The following AAK1 variants were observed in gnomAD, a reference collection of about 807,000 sequenced individuals.
AAK1 encodes AP2-associated protein kinase 1.
In AAK1, 37 loss-of-function variants were observed where a neutral mutation model predicts 116.0. That is an observed-to-expected ratio of 0.32 (90% CI 0.25 to 0.42). The LOEUF (loss-of-function observed/expected upper bound fraction) is 0.42, where lower values mean the gene tolerates loss of function less well. Among genes scored for constraint, AAK1 ranks in the 10% least tolerant of loss-of-function variants. The pLI is 1.00. For synonymous variants in AAK1, 458 were observed against 439.9 expected, an observed-to-expected ratio of 1.04 and a Z score of -0.51; for missense variants, 919 against 1,170.6, an observed-to-expected ratio of 0.79 and a Z score of 3.14.
chr2:69,550,033 A>C (rs1287847932), intron 3 of AAK1, among the ~76,000 whole-genome samples: 2 of 152,226 alleles, frequency 1.3e-5, no homozygotes, highest in South Asian at 4.1e-4. Context: ...AGTTTCCTCC[A>C]GATTAATATC....
At chr2:69,605,465 C>T (rs1287763858) in intron 2 of AAK1, among the ~76,000 whole-genome samples, 2 of 152,122 alleles carry the variant, frequency 1.3e-5, no homozygotes, top group African/African-American at 4.8e-5. Context: ...TATAGATTCA[C>T]AGGAAGTTGC....
chr2:69,475,088 A>G lies in AAK1; in HGVS notation c.*781T>C. 1.0e-6 allele frequency: 1 copy of G among 985,580 alleles called. No individual in the cohort carries two copies. The highest frequency in any genetic ancestry group is 1.2e-6 in the Non-Finnish European group (1 of 829,878). 61.1% of individuals were successfully genotyped at this position (985,580 alleles called of 1,614,324 possible). On this transcript the variant is annotated 3_prime_UTR_variant, in exon 22 of 22. Transcript: ENST00000409085. The stretch of plus-strand genomic sequence containing the variant: ...ACAGTTAACATGAAAAGGAATGGCA[A>G]TACTTGGGATTTATATAACGTACAC...
At chr2:69,548,808 T>G (rs1671044200) in intron 3 of AAK1, among the ~76,000 whole-genome samples, 1 of 152,060 alleles carries the variant, frequency 6.6e-6, no homozygotes, top group Non-Finnish European at 1.5e-5. Flanking sequence ...TTTCACCATC[T>G]TGGCCAGGAT....
At chr2:69,607,004 T>C (rs7591510) in intron 2 of AAK1, among the ~76,000 whole-genome samples, 57,846 of 141,674 alleles carry the variant, frequency 0.41, 13,024 homozygotes, top group East Asian at 0.71. Flanking sequence ...AGGCAGAGGT[T>C]GCAGTGAGCC....
At chr2:69,477,815 T>C (rs1572877314) in intron 20 of AAK1, among the ~76,000 whole-genome samples, 1 of 152,336 alleles carries the variant, frequency 6.6e-6, no homozygotes, top group South Asian at 2.1e-4. Flanking sequence ...ACAGAGGTGA[T>C]TATTTTTAGT....
chr2:69,537,762 G>A (rs1024935587), intron 5 of AAK1, among the ~76,000 whole-genome samples: 5 of 152,306 alleles, frequency 3.3e-5, no homozygotes, highest in South Asian at 2.1e-4. Flanking sequence ...ACTGCCCAGC[G>A]CGGACATACT....
chr2:69,496,133 G>T, intron 16 of AAK1, 53 bp from the exon 17 acceptor site: 1 of 1,291,204 alleles, frequency 7.7e-7, no homozygotes, highest in Non-Finnish European at 1.1e-6. Context: ...AAAGAGAAAA[G>T]CAATAACACC....
chr2:69,553,054 T>C (rs1230052097), intron 3 of AAK1, among the ~76,000 whole-genome samples: 1 of 151,746 alleles, frequency 6.6e-6, no homozygotes, highest in African/African-American at 2.4e-5. Context: ...GGAGAACCAA[T>C]ATCCAAATTA....
chr2:69,626,598 C>T (rs1674911463), intron 2 of AAK1, among the ~76,000 whole-genome samples: 1 of 151,218 alleles, frequency 6.6e-6, no homozygotes. Context: ...CTCCCAGGCT[C>T]AAGCGATCTT....
At chr2:69,511,259 G>A (rs565282298) in intron 13 of AAK1, among the ~76,000 whole-genome samples, 1 of 152,296 alleles carries the variant, frequency 6.6e-6, no homozygotes, top group East Asian at 1.9e-4. Flanking sequence ...CAGCTACCTG[G>A]GTCAGGATGC....
intron 5 of AAK1, among the ~76,000 whole-genome samples, chr2:69,542,029 G>C (rs1051736618): frequency 3.9e-5 from 6 of 152,168 alleles, no homozygotes; most frequent in African/African-American, 1.4e-4. Flanking sequence ...CGTAATTGGT[G>C]CCCAATACAT....
rs569667139 is a variant in AAK1 at position 69,468,794 on chromosome 2, A to G, written c.*7075T>C. On this transcript the variant is annotated 3_prime_UTR_variant, in exon 22 of 22. Transcript: ENST00000409085. ...TACCAAGGGGTGTGTGTATGTGCCC[A>G]TATTCAGGGTTGGAGAGGATGGAAG... 4.1e-6 allele frequency: 4 copies of G among 985,426 alleles called. No individual in the cohort carries two copies. Among genetic ancestry groups the G allele is most frequent in the Admixed American group, 6.1e-5 (1 of 16,286 alleles). The allele number at this position is 985,426 out of a possible 1,614,324, so 61.0% of individuals were successfully genotyped here.
chr2:69,611,425 C>T (rs971855648), intron 2 of AAK1, among the ~76,000 whole-genome samples: 6 of 152,194 alleles, frequency 3.9e-5, no homozygotes, highest in Admixed American at 1.3e-4. Flanking sequence ...TGTCAGACAA[C>T]ATTGAGACTT....
rs1559017482 is a variant in AAK1, at chr2:69,630,339, G to GC, written c.163+12538_163+12539insG. ...GTGAATACTCTGAGTGGGGCGGGGG[G>GC]TGGGGGGGGAGGGGGAGGGAGAGGG... On this transcript the variant is annotated intron_variant, in intron 2 of 21. Transcript: ENST00000409085. 1.4e-4 allele frequency among the ~76,000 whole-genome samples: 16 copies of GC among 113,690 alleles called. No homozygotes were observed. The South Asian group carries it at 3.8e-3, about 27-fold the overall frequency. The allele number at this position is 113,690 out of a possible 152,430, so 74.6% of individuals were successfully genotyped here. A position where few individuals can be genotyped will look rare whatever the true frequency, so the allele number is the denominator to read the frequency against.
intron 2 of AAK1, among the ~76,000 whole-genome samples, chr2:69,623,763 C>CGG: frequency 6.6e-6 from 1 of 151,874 alleles, no homozygotes; most frequent in Admixed American, 6.5e-5. Flanking sequence ...CAGGCCTTTC[C>CGG]AAGGATGGCT....
At chr2:69,529,591 T>C (rs770713395) in intron 8 of AAK1, among the ~76,000 whole-genome samples, 4 of 152,222 alleles carry the variant, frequency 2.6e-5, no homozygotes, top group Admixed American at 1.3e-4. Context: ...CACGGAGTTA[T>C]ATAGTCTTAA....
chr2:69,600,960 G>A (rs1267132679), intron 2 of AAK1, among the ~76,000 whole-genome samples: 1 of 152,190 alleles, frequency 6.6e-6, no homozygotes, highest in Non-Finnish European at 1.5e-5. Context: ...AAAAGATTAT[G>A]ACTCACTGAA....
chr2:69,599,655 G>A (rs985945897), intron 2 of AAK1, among the ~76,000 whole-genome samples: 1 of 152,148 alleles, frequency 6.6e-6, no homozygotes, highest in Non-Finnish European at 1.5e-5. Flanking sequence ...GGTTGTTATT[G>A]TGTATCAGTA....
At chr2:69,544,221 C>T in intron 4 of AAK1, 1 of 495,860 alleles carries the variant, frequency 2.0e-6, no homozygotes, top group Admixed American at 3.3e-5. Context: ...CCAAACCTTC[C>T]CAAACCTAAC....
Sources: allele counts gnomAD v4.1 joint callset (sites outside exome capture counted in the v4.1 genomes callset), GRCh38; gene constraint gnomAD v4.1.1; transcripts MANE v1.5; gene names NCBI Gene and HGNC (gene_info 2026-07-23, HGNC 2026-07-21).